PCDH15: variants seen among roughly 807,000 people sequenced by gnomAD.
The protein encoded by PCDH15 is protocadherin-15.
A neutral mutation model predicts 178.5 loss-of-function variants in PCDH15; 129 were observed. That is an observed-to-expected ratio of 0.72 (90% CI 0.63 to 0.84). The LOEUF (loss-of-function observed/expected upper bound fraction) is 0.84, where lower values mean the gene tolerates loss of function less well. Among genes scored for constraint, PCDH15 ranks in the 40% least tolerant of loss-of-function variants. The pLI is 0.00. For missense variants in PCDH15, 2,230 were observed against 2,099.9 expected (o/e 1.06, Z -1.21); for synonymous variants, 800 against 732.0 (o/e 1.09, Z -1.50).
At chr10:55,212,391 G>A (rs1840592799) in intron 1 of PCDH15, among the ~76,000 whole-genome samples, 1 of 151,950 alleles carries the variant, frequency 6.6e-6, no homozygotes. Context: ...GCATCAGAGA[G>A]CAATTCTCTT....
At chr10:55,496,773 TG>T (rs1840544321) in intron 2 of PCDH15, among the ~76,000 whole-genome samples, 1 of 151,888 alleles carries the variant, frequency 6.6e-6, no homozygotes, top group South Asian at 2.1e-4. Flanking sequence ...AAAACTGATA[TG>T]AAAAAGCCAA....
At chr10:54,344,548 G>C (rs547546786) in intron 6 of PCDH15, among the ~76,000 whole-genome samples, 1 of 152,160 alleles carries the variant, frequency 6.6e-6, no homozygotes, top group Non-Finnish European at 1.5e-5. Context: ...ACATGGACTA[G>C]TCATTTGATA....
At chr10:54,867,087 C>A (rs143914077) in intron 3 of PCDH15, among the ~76,000 whole-genome samples, 3 of 152,060 alleles carry the variant, frequency 2.0e-5, no homozygotes, top group Non-Finnish European at 2.9e-5. Context: ...ATAACAACTG[C>A]GGCTACCCAC....
chr10:53,974,026 T>C (rs1013032619), intron 21 of PCDH15, among the ~76,000 whole-genome samples: 1 of 152,196 alleles, frequency 6.6e-6, no homozygotes, highest in African/African-American at 2.4e-5. Context: ...TATTTTACCT[T>C]ATTTTTCTTG....
chr10:55,270,069 C>T (rs1842401503), intron 1 of PCDH15, among the ~76,000 whole-genome samples: 1 of 152,170 alleles, frequency 6.6e-6, no homozygotes, highest in South Asian at 2.1e-4. Flanking sequence ...TGGGTTATAA[C>T]TGGCTAGCCA....
intron 2 of PCDH15, among the ~76,000 whole-genome samples, chr10:55,425,089 T>A (rs1261986919): frequency 1.3e-5 from 2 of 149,578 alleles, no homozygotes; most frequent in African/African-American, 4.9e-5. Flanking sequence ...GTAGAAAAAA[T>A]TAGAAATTAA....
chr10:55,476,010 C>T (rs1840055962), intron 2 of PCDH15, among the ~76,000 whole-genome samples: 1 of 152,046 alleles, frequency 6.6e-6, no homozygotes, highest in African/African-American at 2.4e-5. Context: ...TTACTTCATT[C>T]GACAGTTATG....
intron 2 of PCDH15, among the ~76,000 whole-genome samples, chr10:54,583,130 C>T (rs911071993): frequency 6.6e-6 from 1 of 151,938 alleles, no homozygotes; most frequent in Non-Finnish European, 1.5e-5. Context: ...GATAGACAGA[C>T]TATAATGTAT....
intron 16 of PCDH15, among the ~76,000 whole-genome samples, chr10:54,087,782 C>T (rs2094538037): frequency 6.6e-6 from 1 of 152,116 alleles, no homozygotes; most frequent in Non-Finnish European, 1.5e-5. Flanking sequence ...AAATTGTCAC[C>T]AATGTAGGAG....
At chr10:55,387,265 G>A (rs888762212) in intron 2 of PCDH15, among the ~76,000 whole-genome samples, 3 of 152,130 alleles carry the variant, frequency 2.0e-5, no homozygotes, top group East Asian at 1.9e-4. Flanking sequence ...CCCTAGGATC[G>A]CTGATAGTTA....
rs1188620747 is a variant in PCDH15 at position 54,566,875 on chromosome 10, G to A, written c.92-38998C>T. On this transcript the variant is annotated intron_variant, in intron 2 of 37. Transcript: ENST00000644397. ...AGGAGAATGACCGCTGGATTTTATAGTAAAAGCATCTTTAGTTTTGTAAGA... is the reference window on the plus strand; with the variant it reads ...AGGAGAATGACCGCTGGATTTTATAATAAAAGCATCTTTAGTTTTGTAAGA... 7.9e-5 allele frequency among the ~76,000 whole-genome samples: 12 copies of A among 152,136 alleles called. 1 individual carries two copies. The highest frequency in any genetic ancestry group is 2.9e-5 in the Non-Finnish European group (2 of 68,032).
intron 2 of PCDH15, among the ~76,000 whole-genome samples, chr10:55,358,493 T>G (rs534681309): frequency 6.9e-4 from 105 of 152,098 alleles, no homozygotes; most frequent in Non-Finnish European, 1.3e-3. Flanking sequence ...CAATACTTAG[T>G]TATATGTAAT....
intron 2 of PCDH15, among the ~76,000 whole-genome samples, chr10:55,455,732 G>A (rs1839536506): frequency 6.6e-6 from 1 of 151,942 alleles, no homozygotes. Flanking sequence ...TATAAAAAAT[G>A]TAATTATTTA....
chr10:54,506,475 G>C (rs1565450068), intron 3 of PCDH15, among the ~76,000 whole-genome samples: 1 of 151,904 alleles, frequency 6.6e-6, no homozygotes, highest in Admixed American at 6.6e-5. Context: ...ATGGAACAAA[G>C]TATTCTAAAA....
At chr10:55,159,402 TTATA>T in intron 2 of PCDH15, among the ~76,000 whole-genome samples, 1 of 146,876 alleles carries the variant, frequency 6.8e-6, no homozygotes, top group African/African-American at 2.5e-5. Context: ...CACATACACA[TTATA>T]TATATTATAA....
chr10:54,352,325 T>C (rs1326608355), intron 5 of PCDH15, among the ~76,000 whole-genome samples: 2 of 152,142 alleles, frequency 1.3e-5, no homozygotes, highest in African/African-American at 4.8e-5. Flanking sequence ...ACTTAAATAA[T>C]ACCTCTTCAA....
At chr10:53,961,027 G>A (rs188080551) in intron 22 of PCDH15, among the ~76,000 whole-genome samples, 589 of 152,002 alleles carry the variant, frequency 3.9e-3, no homozygotes, top group Middle Eastern at 0.014. Context: ...AACAAAAGAG[G>A]GAATATGTTC....
At chr10:54,795,739 TCA>T (rs1951888158) in intron 1 of PCDH15, among the ~76,000 whole-genome samples, 2 of 152,024 alleles carry the variant, frequency 1.3e-5, no homozygotes, top group East Asian at 3.9e-4. Context: ...CTATAGCTTA[TCA>T]ATATTAAATT....
At chr10:55,240,987 C>A (rs988977298) in intron 1 of PCDH15, among the ~76,000 whole-genome samples, 2 of 152,106 alleles carry the variant, frequency 1.3e-5, no homozygotes. Flanking sequence ...GAGGCCAAGG[C>A]GGGCGGATCA....
Sources: allele counts gnomAD v4.1 joint callset (sites outside exome capture counted in the v4.1 genomes callset), GRCh38; gene constraint gnomAD v4.1.1; transcripts MANE v1.5; gene names NCBI Gene and HGNC (gene_info 2026-07-23, HGNC 2026-07-21).